The following GOSR1 variants were observed in gnomAD, a reference collection of about 807,000 sequenced individuals.
The protein encoded by GOSR1 is golgi SNAP receptor complex member 1, also known as 28 kDa Golgi SNARE protein.
In GOSR1, 21 loss-of-function variants were observed where a neutral mutation model predicts 35.5. That is an observed-to-expected ratio of 0.59 (90% CI 0.42 to 0.85). The LOEUF (loss-of-function observed/expected upper bound fraction) is 0.85. Among genes scored for constraint, GOSR1 ranks in the 40% least tolerant of loss-of-function variants. The pLI is 0.00. For missense variants in GOSR1, 285 were observed against 309.6 expected (o/e 0.92, Z 0.60); for synonymous variants, 94 against 106.6 (o/e 0.88, Z 0.73).
At chr17:30,483,995 C>G (rs368079905) in intron 2 of GOSR1, among the ~76,000 whole-genome samples, 17 of 152,140 alleles carry the variant, frequency 1.1e-4, no homozygotes, top group African/African-American at 3.6e-4. Context: ...ATCTTATTTC[C>G]TCTTGGTAAG....
chr17:30,504,323 G>A (rs1276646981), intron 6 of GOSR1, among the ~76,000 whole-genome samples: 1 of 151,994 alleles, frequency 6.6e-6, no homozygotes, highest in African/African-American at 2.4e-5. Flanking sequence ...CACCACACCT[G>A]GCCAGTTGGT....
intron 6 of GOSR1, among the ~76,000 whole-genome samples, chr17:30,501,521 G>A (rs140546221): frequency 6.6e-5 from 10 of 151,472 alleles, no homozygotes; most frequent in South Asian, 2.1e-4. Flanking sequence ...TTCCGAGACA[G>A]AGTCTAGCTG....
intron 4 of GOSR1, among the ~76,000 whole-genome samples, chr17:30,485,985 A>C (rs1914655954): frequency 6.7e-6 from 1 of 148,830 alleles, no homozygotes; most frequent in Non-Finnish European, 1.5e-5. Context: ...GCACCACTGC[A>C]CTCCAGCCTA....
At chr17:30,512,611 A>T (rs933501356) in intron 7 of GOSR1, among the ~76,000 whole-genome samples, 11 of 152,068 alleles carry the variant, frequency 7.2e-5, no homozygotes. Context: ...TTTTTGTTTA[A>T]ATTGTATGTG....
intron 6 of GOSR1, 21 bp from the exon 7 acceptor site, chr17:30,510,859 A>G (rs747678413): frequency 4.3e-6 from 6 of 1,390,008 alleles, no homozygotes; most frequent in Non-Finnish European, 6.1e-6. Context: ...TCAGAATTTG[A>G]ATTTTTCTTT....
At chr17:30,499,335 C>T (rs1246561081) in intron 6 of GOSR1, among the ~76,000 whole-genome samples, 1 of 140,090 alleles carries the variant, frequency 7.1e-6, no homozygotes, top group Admixed American at 7.6e-5. Context: ...CACATGTTCT[C>T]ATTCCTCTTT....
chr17:30,508,888 T>G (rs899977850), intron 6 of GOSR1, among the ~76,000 whole-genome samples: 3 of 152,188 alleles, frequency 2.0e-5, no homozygotes, highest in Admixed American at 2.0e-4. Context: ...AAGTGGTAGA[T>G]TCAGCATTTA....
rs768427117 is a variant in GOSR1, at chr17:30,481,157, G to T, written c.46G>T (p.Ala16Ser). 1.3e-6 allele frequency: 2 copies of T among 1,597,410 alleles called. No individual in the cohort carries two copies. Among genetic ancestry groups the T allele is most frequent in the Non-Finnish European group, 1.7e-6 (2 of 1,164,856 alleles). Reference protein sequence around the residue: ...SSYWEDLRKQARQLENELDLK... With the variant: ...SSYWEDLRKQSRQLENELDLK... ...TTTTGTTAAAGATCTCAGGAAACAG[G>T]CTCGACAGCTGGAAAATGAACTTGA... The change falls in exon 2 of 9, where the codon GCT becomes TCT. Residue 16 changes from alanine to serine, a missense_variant. Coordinates refer to ENST00000451249, the MANE Select transcript of GOSR1 (RefSeq NM_001007025.2).
intron 6 of GOSR1, among the ~76,000 whole-genome samples, chr17:30,498,096 C>T (rs1469869283): frequency 6.7e-6 from 1 of 149,634 alleles, no homozygotes; most frequent in African/African-American, 2.4e-5. Flanking sequence ...TTAAATTACT[C>T]TTATTAGTCA....
chr17:30,499,810 G>A lies in GOSR1; in HGVS notation c.509+7057G>A, dbSNP rs141165899. 1.2e-4 allele frequency among the ~76,000 whole-genome samples: 18 copies of A among 152,270 alleles called. No homozygotes were observed. In the East Asian group the frequency reaches 2.3e-3, roughly 20 times the overall value. ...AATTGCTTTAAGCCCTTGCCAACAC[G>A]CCTTTCTATTGTAACCATTTTAGTA... On this transcript the variant is annotated intron_variant, in intron 6 of 8. Transcript: ENST00000451249.
At chr17:30,517,639 C>T (rs1437403656) in intron 7 of GOSR1, among the ~76,000 whole-genome samples, 2 of 148,376 alleles carry the variant, frequency 1.3e-5, no homozygotes, top group Non-Finnish European at 3.0e-5. Flanking sequence ...TTTTACTATT[C>T]CAAAAATGCT....
chr17:30,484,379 A>T (rs1467058330), intron 3 of GOSR1, 78 bp downstream of exon 3: 1 of 853,732 alleles, frequency 1.2e-6, no homozygotes, highest in Admixed American at 1.7e-5. Context: ...ATATTGAGAC[A>T]GACATGTTTA....
intron 7 of GOSR1, among the ~76,000 whole-genome samples, chr17:30,514,908 A>G (rs1374529466): frequency 1.3e-5 from 2 of 152,240 alleles, no homozygotes; most frequent in Non-Finnish European, 2.9e-5. Context: ...AGAGACAGAT[A>G]CACACATTTA....
chr17:30,522,646 A>C lies in GOSR1; in HGVS notation c.*268A>C, dbSNP rs2143952410. The stretch of plus-strand genomic sequence containing the variant: ...GCTTTTGTCTCCCTAGGAGGCAGGT[A>C]AACCAATCAAAAACAGAGTTTTCTG... On this transcript the variant is annotated 3_prime_UTR_variant, in exon 9 of 9. Transcript: ENST00000451249. 1 of 236,732 alleles carries C rather than the reference A, an allele frequency of 4.2e-6. No homozygotes were observed. The highest frequency in any genetic ancestry group is 1.3e-3 in the Middle Eastern group (1 of 784). The allele number at this position is 236,732 out of a possible 1,614,324, so 14.7% of individuals were successfully genotyped here. A position where few individuals can be genotyped will look rare whatever the true frequency, so the allele number is the denominator to read the frequency against.
At chr17:30,485,230 G>T in intron 4 of GOSR1, 1 of 190,868 alleles carries the variant, frequency 5.2e-6, no homozygotes. Flanking sequence ...GATTTAAATG[G>T]AGGATATGTT....
At chr17:30,499,948 C>T (rs1967143178) in intron 6 of GOSR1, among the ~76,000 whole-genome samples, 1 of 152,132 alleles carries the variant, frequency 6.6e-6, no homozygotes. Flanking sequence ...TTTTATTATT[C>T]ACAACTCACA....
chr17:30,488,290 G>A (rs1387098521), intron 4 of GOSR1, among the ~76,000 whole-genome samples: 21 of 148,940 alleles, frequency 1.4e-4, no homozygotes, highest in Middle Eastern at 3.3e-3. Context: ...TCAGCCTCCC[G>A]AGTAGCTGGG....
chr17:30,502,091 GC>G, intron 6 of GOSR1, among the ~76,000 whole-genome samples: 1 of 152,316 alleles, frequency 6.6e-6, no homozygotes, highest in Non-Finnish European at 1.5e-5. Context: ...CATAAAAGCA[GC>G]CAGTCTGTGA....
intron 6 of GOSR1, among the ~76,000 whole-genome samples, chr17:30,494,749 A>G (rs1400979460): frequency 6.6e-6 from 1 of 151,540 alleles, no homozygotes; most frequent in Admixed American, 6.6e-5. Context: ...CTGGGACTAC[A>G]GGCACCTGCC....
Sources: gnomAD v4.1 joint callset for allele counts (sites outside exome capture counted in the v4.1 genomes callset) on GRCh38, gnomAD v4.1.1 for gene constraint, MANE v1.5 for transcripts, NCBI Gene and HGNC (gene_info 2026-07-23, HGNC 2026-07-21) for gene names.